SULF2: variants seen among roughly 807,000 people sequenced by gnomAD.
SULF2 encodes sulfatase 2.
SULF2 carries 52 observed loss-of-function variants against 107.7 expected under a neutral mutation model. The observed-to-expected ratio is 0.48, with a 90% CI of 0.39 to 0.61. The LOEUF (loss-of-function observed/expected upper bound fraction) is 0.61. Ranked by LOEUF, SULF2 falls within the 20% of genes least tolerant of loss-of-function variation. SULF2 has a pLI of 0.00. For missense variants in SULF2, 993 were observed against 1,177.3 expected, an observed-to-expected ratio of 0.84 and a Z score of 2.29; for synonymous variants, 460 against 464.3, an observed-to-expected ratio of 0.99 and a Z score of 0.12.
chr20:47,663,175 G>A lies in SULF2; in HGVS notation c.2265C>T (p.Asn755=), dbSNP rs2087142688. 6.2e-7 allele frequency: 1 copy of A among 1,614,174 alleles called. No homozygotes were observed. The highest frequency in any genetic ancestry group is 8.5e-7 in the Non-Finnish European group (1 of 1,180,038). ...PFCACTSANN[N]TYWCMRTINE... ...TGATGGTCCTCATGCACCAGTACGT[G>A]TTATTGTTGGCGCTGGTGCAGGCAC... The change falls in exon 17 of 21, where the codon AAC becomes AAT. Residue 755 remains asparagine, a synonymous_variant. Coordinates refer to ENST00000688720, the MANE Select transcript of SULF2 (RefSeq NM_001387048.1).
chr20:47,734,773 C>T (rs1242287517), intron 3 of SULF2, among the ~76,000 whole-genome samples: 3 of 152,138 alleles, frequency 2.0e-5, no homozygotes, highest in East Asian at 1.9e-4. Flanking sequence ...TAAATGTTCT[C>T]GGTATCTGGC....
At chr20:47,716,936 G>A (rs537356462) in intron 3 of SULF2, among the ~76,000 whole-genome samples, 4 of 152,300 alleles carry the variant, frequency 2.6e-5, no homozygotes, top group African/African-American at 9.6e-5. Context: ...CTTGGACCCA[G>A]GAGTTCGAGG....
intron 2 of SULF2, among the ~76,000 whole-genome samples, chr20:47,752,151 A>G (rs573852222): frequency 3.5e-4 from 53 of 152,356 alleles, no homozygotes; most frequent in Admixed American, 5.9e-4. Context: ...AGCTTGCTGT[A>G]GACAAACAAC....
chr20:47,688,966 T>C (rs959086465), intron 5 of SULF2, among the ~76,000 whole-genome samples: 1 of 151,866 alleles, frequency 6.6e-6, no homozygotes, highest in African/African-American at 2.4e-5. Flanking sequence ...GCTGAGTCAC[T>C]GCTAAGCAGG....
chr20:47,783,544 A>C (rs891355622), intron 1 of SULF2, among the ~76,000 whole-genome samples: 3 of 152,232 alleles, frequency 2.0e-5, no homozygotes, highest in African/African-American at 7.2e-5. Flanking sequence ...GTCCTCCTCC[A>C]AGACCAGACT....
intron 1 of SULF2, among the ~76,000 whole-genome samples, chr20:47,784,881 C>T (rs189773082): frequency 4.1e-4 from 62 of 152,326 alleles, no homozygotes; most frequent in African/African-American, 1.4e-3. Context: ...GAGTTTCCAA[C>T]CACTCTGAAG....
intron 5 of SULF2, among the ~76,000 whole-genome samples, chr20:47,688,026 G>T (rs6066432): frequency 0.87 from 131,830 of 151,942 alleles, 57,535 homozygotes; most frequent in African/African-American, 0.96. Context: ...TGTGTGTGTG[G>T]GGGGGTGCAT....
At chr20:47,673,280 C>T (rs1390184242) in intron 10 of SULF2, among the ~76,000 whole-genome samples, 2 of 152,190 alleles carry the variant, frequency 1.3e-5, no homozygotes, top group Non-Finnish European at 2.9e-5. Flanking sequence ...CAGATCTGTT[C>T]CCTGTGTCTC....
intron 4 of SULF2, among the ~76,000 whole-genome samples, chr20:47,693,448 T>C (rs1455759451): frequency 6.6e-6 from 1 of 152,198 alleles, no homozygotes; most frequent in Admixed American, 6.5e-5. Flanking sequence ...TGTTTGGCCG[T>C]GGTTAAACTT....
At chr20:47,663,356 G>C (rs547495494) in intron 16 of SULF2, 97 bp downstream of exon 16, 2 of 1,580,690 alleles carry the variant, frequency 1.3e-6, no homozygotes, top group East Asian at 2.2e-5. Flanking sequence ...CCTGGTGTTG[G>C]GGACCCCCTT....
At position 47,701,878 on chromosome 20, in the gene SULF2, G is replaced by A. The variant is rs534669856; in HGVS notation, c.567+641C>T. 1.2e-4 allele frequency among the ~76,000 whole-genome samples: 18 copies of A among 152,214 alleles called. No individual in the cohort carries two copies. In the East Asian group the frequency reaches 2.5e-3, roughly 21 times the overall value. On this transcript the variant is annotated intron_variant, in intron 4 of 20. Coordinates refer to ENST00000688720, the MANE Select transcript of SULF2 (RefSeq NM_001387048.1). The stretch of plus-strand genomic sequence containing the variant: ...ATTCCGTGAGGGGACTGCTGCGGGC[G>A]GTGGTGACATTCTCTTCTTGGCCTA...
chr20:47,710,669 C>G (rs1661582990), intron 3 of SULF2, among the ~76,000 whole-genome samples: 1 of 152,112 alleles, frequency 6.6e-6, no homozygotes, highest in South Asian at 2.1e-4. Context: ...CATTATCCAC[C>G]AATGGGCCCG....
At chr20:47,757,027 GT>G (rs1427146660) in intron 2 of SULF2, among the ~76,000 whole-genome samples, 161 bp downstream of exon 2, 1 of 152,214 alleles carries the variant, frequency 6.6e-6, no homozygotes, top group African/African-American at 2.4e-5. Context: ...TGAGGACCCA[GT>G]TGTGACCCCA....
chr20:47,783,523 A>ACTG (rs1419238566), intron 1 of SULF2, among the ~76,000 whole-genome samples: 2 of 152,234 alleles, frequency 1.3e-5, no homozygotes, highest in East Asian at 3.8e-4. Flanking sequence ...ATGCACACAC[A>ACTG]CTGCTATGCT....
Position 47,675,283 on chromosome 20 carries a change from G to GGGAGGGCA in SULF2, c.1380+1203_1380+1210dup, listed in dbSNP as rs201246420. On this transcript the variant is annotated intron_variant, in intron 10 of 20. Transcript: ENST00000688720. ...GAACTCTCTCCAGAACATCAGCTCT[G>GGGAGGGCA]GGAGGGCAGGAGCTTCTGTTGAGCA... Among the ~76,000 whole-genome samples the GGGAGGGCA allele has an allele frequency of 4.0e-3, 602 of 152,306 alleles. 4 individuals are homozygous for GGGAGGGCA. The highest frequency in any genetic ancestry group is 0.014 in the African/African-American group (575 of 41,572).
At position 47,757,356 on chromosome 20, in the gene SULF2, G is replaced by A. The variant is rs925542293; in HGVS notation, c.8C>T (p.Pro3Leu). 1.3e-6 allele frequency: 2 copies of A among 1,588,442 alleles called. No homozygotes were observed. Among genetic ancestry groups the A allele is most frequent in the Non-Finnish European group, 1.7e-6 (2 of 1,164,288 alleles). MGPPSLVLCLLSA... is the reference protein window; with the variant it reads MGLPSLVLCLLSA... Reference sequence around the variant, plus strand: ...CAGCAAGCACAGCACGAGGCTCGGGGGGCCCATCTTCTTTTTTTGCTGATC... The same window carrying A: ...CAGCAAGCACAGCACGAGGCTCGGGAGGCCCATCTTCTTTTTTTGCTGATC... Residue 3 changes from proline to leucine, a missense_variant, in exon 2 of 21, where the codon CCC becomes CTC. Transcript: ENST00000688720.
Position 47,694,081 on chromosome 20 carries a change from A to G in SULF2, c.568-3786T>C, listed in dbSNP as rs1451897587. On this transcript the variant is annotated intron_variant, in intron 4 of 20. Transcript: ENST00000688720. This position sits in a 1 kb window ranked among gnomAD's most constrained non-coding sequence, Gnocchi z 4.4. ...ATCTCTGCTAGCTCCGCAATGCCACATGACACACCTGCCTCCAAAGCTGCC... is the reference window on the plus strand; with the variant it reads ...ATCTCTGCTAGCTCCGCAATGCCACGTGACACACCTGCCTCCAAAGCTGCC... Among the ~76,000 whole-genome samples the G allele has an allele frequency of 6.6e-6, 1 of 152,300 alleles. No homozygotes were observed. Among genetic ancestry groups the G allele is most frequent in the South Asian group, 2.1e-4 (1 of 4,826 alleles).
At chr20:47,686,390 G>A (rs1465121087) in intron 5 of SULF2, 1 of 152,286 alleles carries the variant, frequency 6.6e-6, no homozygotes, top group East Asian at 1.9e-4. Context: ...GCATGGGGGA[G>A]TCTCCTGGGT....
intron 1 of SULF2, among the ~76,000 whole-genome samples, chr20:47,772,263 G>C (rs537775804): frequency 1.3e-5 from 2 of 152,218 alleles, no homozygotes; most frequent in Admixed American, 6.5e-5. Context: ...ATCATTCTTC[G>C]ATGGGGGACT....
Sources: gnomAD v4.1 joint callset for allele counts (sites outside exome capture counted in the v4.1 genomes callset) on GRCh38, gnomAD v4.1.1 for gene constraint, Gnocchi (gnomAD v3.1) non-coding constraint, MANE v1.5 for transcripts, NCBI Gene and HGNC (gene_info 2026-07-23, HGNC 2026-07-21) for gene names.